KCNIP4: variants seen among roughly 807,000 people sequenced by gnomAD.
The protein encoded by KCNIP4 is Kv channel-interacting protein 4.
In KCNIP4, 12 loss-of-function variants were observed where a neutral mutation model predicts 34.0. That is an observed-to-expected ratio of 0.35 (90% CI 0.23 to 0.57). The LOEUF is 0.57. Among genes scored for constraint, KCNIP4 ranks in the 20% least tolerant of loss-of-function variants. The pLI is 0.83. For synonymous variants in KCNIP4, 124 were observed against 102.2 expected (o/e 1.21, Z -1.29); for missense variants, 238 against 311.7 (o/e 0.76, Z 1.78).
At chr4:21,720,002 A>AG (rs1489832964) in intron 1 of KCNIP4, among the ~76,000 whole-genome samples, 8,714 of 103,476 alleles carry the variant, frequency 0.084, 969 homozygotes, top group African/African-American at 0.39. Context: ...GAAGAAAAGA[A>AG]AAAGAAGAAG....
chr4:21,615,462 C>A (rs1202014398), intron 1 of KCNIP4, among the ~76,000 whole-genome samples: 1 of 151,690 alleles, frequency 6.6e-6, no homozygotes, highest in Non-Finnish European at 1.5e-5. Flanking sequence ...AGGAGAATGG[C>A]GTTTACCTGG....
intron 1 of KCNIP4, chr4:21,850,824 A>C (rs1379377990): frequency 1.3e-5 from 2 of 152,102 alleles, no homozygotes; most frequent in African/African-American, 4.8e-5. Flanking sequence ...CTTGCTGTGG[A>C]GCTCATGCCT....
intron 1 of KCNIP4, among the ~76,000 whole-genome samples, chr4:21,748,849 G>A (rs867156471): frequency 7.2e-5 from 11 of 152,076 alleles, no homozygotes; most frequent in South Asian, 6.2e-4. Context: ...TGTCACTAAT[G>A]TCCAGTTCCT....
rs139288819 is a variant in KCNIP4 at position 20,943,539 on chromosome 4, T to C, written c.62-60830A>G. Among the ~76,000 whole-genome samples, 818 of 152,312 alleles carry C rather than the reference T, an allele frequency of 5.4e-3. 3 individuals are homozygous for C. Among genetic ancestry groups the C allele is most frequent in the Non-Finnish European group, 8.8e-3 (602 of 68,028 alleles). On this transcript the variant is annotated intron_variant, in intron 1 of 8. Coordinates refer to ENST00000382152, the MANE Select transcript of KCNIP4 (RefSeq NM_025221.6). ...AATGCTTATTATGGGCCAGGGACTATTCTGTGCACTTTAAATTTAATCCTC... is the reference window on the plus strand; with the variant it reads ...AATGCTTATTATGGGCCAGGGACTACTCTGTGCACTTTAAATTTAATCCTC...
intron 1 of KCNIP4, among the ~76,000 whole-genome samples, chr4:21,555,274 T>C (rs993658876): frequency 6.6e-6 from 1 of 152,132 alleles, no homozygotes; most frequent in Non-Finnish European, 1.5e-5. Context: ...CTTTCTTCCG[T>C]AACTGTGATG....
chr4:21,793,555 G>A (rs1577997420), intron 1 of KCNIP4, among the ~76,000 whole-genome samples: 2 of 152,034 alleles, frequency 1.3e-5, no homozygotes, highest in Non-Finnish European at 2.9e-5. Context: ...ACCATGACCG[G>A]CCTGACAAGT....
chr4:21,252,634 G>T (rs1760795874), intron 1 of KCNIP4, among the ~76,000 whole-genome samples: 1 of 151,976 alleles, frequency 6.6e-6, no homozygotes, highest in Admixed American at 6.6e-5. Context: ...AAAAAAAGAA[G>T]GTGAAAAATT....
At chr4:20,944,815 G>A (rs1436405008) in intron 1 of KCNIP4, among the ~76,000 whole-genome samples, 2 of 152,136 alleles carry the variant, frequency 1.3e-5, no homozygotes, top group Non-Finnish European at 2.9e-5. Flanking sequence ...TAACTCATAT[G>A]TAAAAATGCC....
chr4:21,868,984 A>G (rs1283210601), intron 1 of KCNIP4, among the ~76,000 whole-genome samples: 1 of 152,210 alleles, frequency 6.6e-6, no homozygotes, highest in Non-Finnish European at 1.5e-5. Context: ...TTCCAAAATA[A>G]GCCTGAGGAG....
chr4:21,243,306 C>A (rs887248822), intron 1 of KCNIP4, among the ~76,000 whole-genome samples: 4 of 152,058 alleles, frequency 2.6e-5, no homozygotes, highest in African/African-American at 9.7e-5. Context: ...TGGTACAGAA[C>A]CCTTTATAGA....
chr4:21,694,318 G>A (rs1207908114), intron 1 of KCNIP4, among the ~76,000 whole-genome samples: 1 of 152,058 alleles, frequency 6.6e-6, no homozygotes, highest in Non-Finnish European at 1.5e-5. Flanking sequence ...TACATCAAGA[G>A]GCAGATCTCA....
rs1714988110 is a variant in KCNIP4, at chr4:20,805,675, A to T, written c.288+44868T>A. Reference sequence around the variant, plus strand: ...TAAATGCCATTTCTGCTAACTCTTGATTAGACTACAAACTGATCTCTGTAA... The same window carrying T: ...TAAATGCCATTTCTGCTAACTCTTGTTTAGACTACAAACTGATCTCTGTAA... On this transcript the variant is annotated intron_variant, in intron 3 of 8. Transcript: ENST00000382152. 2.0e-5 allele frequency among the ~76,000 whole-genome samples: 3 copies of T among 152,218 alleles called. No homozygotes were observed. The South Asian group carries it at 6.2e-4, about 32-fold the overall frequency.
chr4:21,098,337 T>C (rs750405227), intron 1 of KCNIP4, among the ~76,000 whole-genome samples: 43 of 152,330 alleles, frequency 2.8e-4, no homozygotes, highest in Non-Finnish European at 4.3e-4. Flanking sequence ...TGGTCTTTTA[T>C]TGGAAGAAAA....
intron 1 of KCNIP4, among the ~76,000 whole-genome samples, chr4:21,029,825 G>A (rs1740852287): frequency 6.6e-6 from 1 of 152,134 alleles, no homozygotes; most frequent in African/African-American, 2.4e-5. Flanking sequence ...AGAGGCCTTT[G>A]ACTTAATGTA....
intron 1 of KCNIP4, among the ~76,000 whole-genome samples, chr4:21,612,998 A>C (rs1392784640): frequency 6.6e-6 from 1 of 152,172 alleles, no homozygotes; most frequent in Admixed American, 6.5e-5. Context: ...AGGTATGTAG[A>C]GAGAAAAAGG....
rs116242988 is a variant in KCNIP4, at chr4:21,417,935, G to T, written c.61+530636C>A. Among the ~76,000 whole-genome samples, 294 of 152,246 alleles carry T rather than the reference G, an allele frequency of 1.9e-3. 2 individuals are homozygous for T. The highest frequency in any genetic ancestry group is 6.8e-3 in the African/African-American group (282 of 41,552). ...TGGACATTGTATCAGTTGAATGGAA[G>T]TAAGTATTTAAAGGGAATGCAGAAG... is the stretch of plus-strand genomic sequence containing the variant. On this transcript the variant is annotated intron_variant, in intron 1 of 8. Coordinates refer to ENST00000382152, the MANE Select transcript of KCNIP4 (RefSeq NM_025221.6).
chr4:21,822,802 C>T (rs1722438832), intron 1 of KCNIP4, among the ~76,000 whole-genome samples: 1 of 149,910 alleles, frequency 6.7e-6, no homozygotes. Flanking sequence ...ACTGCAACCT[C>T]TGCCTTCCGG....
chr4:20,779,841 G>T (rs548155901), intron 3 of KCNIP4, among the ~76,000 whole-genome samples: 2 of 152,214 alleles, frequency 1.3e-5, no homozygotes, highest in Admixed American at 6.5e-5. Context: ...GGTGACAGCT[G>T]CCAGAAGAGG....
intron 2 of KCNIP4, among the ~76,000 whole-genome samples, chr4:20,854,388 G>C (rs959761319): frequency 3.3e-5 from 5 of 152,164 alleles, no homozygotes; most frequent in Non-Finnish European, 1.5e-5. Flanking sequence ...TGTAACTCAA[G>C]AATGGAAAAC....
Sources: gnomAD v4.1 joint callset for allele counts (sites outside exome capture counted in the v4.1 genomes callset) on GRCh38, gnomAD v4.1.1 for gene constraint, MANE v1.5 for transcripts, NCBI Gene and HGNC (gene_info 2026-07-23, HGNC 2026-07-21) for gene names.